The following RERE variants were observed in gnomAD, a reference collection of about 807,000 sequenced individuals.
RERE encodes arginine-glutamic acid dipeptide repeats.
Under a neutral mutation model 146.1 loss-of-function variants are expected in RERE, and 40 were observed. The ratio of observed to expected loss-of-function variants is 0.27; its 90% CI spans 0.21 to 0.36. The LOEUF is 0.36. Among genes scored for constraint, RERE ranks in the 10% least tolerant of loss-of-function variants. The probability of loss-of-function intolerance (pLI) is 1.00; values close to 1 mark genes in which losing one functional copy is unlikely to be tolerated. For missense variants in RERE, 1,933 were observed against 2,138.7 expected (o/e 0.90, Z 1.90); for synonymous variants, 1,003 against 866.0 (o/e 1.16, Z -2.78).
intron 6 of RERE, among the ~76,000 whole-genome samples, chr1:8,553,870 T>C (rs938224998): frequency 2.0e-5 from 3 of 152,168 alleles, no homozygotes; most frequent in Non-Finnish European, 4.4e-5. Flanking sequence ...TAACTTGTTC[T>C]TCTAAAAATG....
intron 8 of RERE, among the ~76,000 whole-genome samples, chr1:8,498,784 G>C (rs1404250766): frequency 8.4e-6 from 1 of 119,526 alleles, no homozygotes; most frequent in Non-Finnish European, 1.7e-5. Flanking sequence ...TAGTTGAATT[G>C]ACCTGTGGTA....
chr1:8,784,183 T>C (rs1178838788), intron 1 of RERE, among the ~76,000 whole-genome samples: 3 of 152,218 alleles, frequency 2.0e-5, no homozygotes, highest in Non-Finnish European at 4.4e-5. Context: ...ACTATTCTCC[T>C]CTGTCTGGGA....
At chr1:8,471,568 T>C (rs9700611) in intron 10 of RERE, among the ~76,000 whole-genome samples, 1 of 147,050 alleles carries the variant, frequency 6.8e-6, no homozygotes, top group South Asian at 2.2e-4. Flanking sequence ...TGAGCTAGAG[T>C]GCAATGGCAC....
chr1:8,810,301 A>G (rs778114855), intron 1 of RERE, among the ~76,000 whole-genome samples: 2 of 151,936 alleles, frequency 1.3e-5, no homozygotes, highest in Non-Finnish European at 2.9e-5. Context: ...CGCCTGGCCT[A>G]AAGTTATTTT....
intron 4 of RERE, among the ~76,000 whole-genome samples, chr1:8,607,876 C>T (rs994033266): frequency 1.3e-5 from 2 of 151,944 alleles, no homozygotes; most frequent in African/African-American, 4.8e-5. Flanking sequence ...CAGGCGCCCG[C>T]CACCACGCCT....
chr1:8,618,287 A>G (rs1400184219), intron 3 of RERE, among the ~76,000 whole-genome samples: 1 of 152,216 alleles, frequency 6.6e-6, no homozygotes, highest in East Asian at 1.9e-4. Flanking sequence ...TAGGTACTTT[A>G]TATCCCAACT....
intron 11 of RERE, among the ~76,000 whole-genome samples, chr1:8,450,664 C>T (rs1644380283): frequency 6.6e-6 from 1 of 152,146 alleles, no homozygotes; most frequent in African/African-American, 2.4e-5. Context: ...CCCTTTTAAC[C>T]CCTCCAGTTA....
chr1:8,519,082 A>G (rs780072317), intron 7 of RERE, among the ~76,000 whole-genome samples: 1 of 152,162 alleles, frequency 6.6e-6, no homozygotes, highest in Non-Finnish European at 1.5e-5. Context: ...CCTGAATTAA[A>G]ATTTTAGTAT....
At chr1:8,533,986 T>C (rs112320405) in intron 7 of RERE, among the ~76,000 whole-genome samples, 1 of 152,344 alleles carries the variant, frequency 6.6e-6, no homozygotes, top group African/African-American at 2.4e-5. Flanking sequence ...ATCTCCAATA[T>C]TTTCCATCTC....
chr1:8,737,032 G>A (rs963178730), intron 1 of RERE, among the ~76,000 whole-genome samples: 11 of 152,090 alleles, frequency 7.2e-5, no homozygotes, highest in Non-Finnish European at 1.5e-4. Flanking sequence ...TCTTTCCTCT[G>A]AAGACTCAGA....
chr1:8,522,181 T>C (rs1435451158), intron 7 of RERE, among the ~76,000 whole-genome samples: 2 of 152,196 alleles, frequency 1.3e-5, no homozygotes, highest in African/African-American at 4.8e-5. Context: ...CAGAAACTGC[T>C]CAGAAGAGAT....
intron 10 of RERE, among the ~76,000 whole-genome samples, chr1:8,486,699 C>T (rs1644903247): frequency 7.3e-6 from 1 of 137,880 alleles, no homozygotes; most frequent in Admixed American, 7.7e-5. Flanking sequence ...GTTGAAACGT[C>T]TTTATATTGA....
chr1:8,528,565 T>C (rs1645598319), intron 7 of RERE, among the ~76,000 whole-genome samples: 1 of 152,164 alleles, frequency 6.6e-6, no homozygotes. Flanking sequence ...AAATACAGGT[T>C]GAGTTATCCT....
intron 1 of RERE, among the ~76,000 whole-genome samples, chr1:8,680,947 A>G (rs1638951508): frequency 6.6e-6 from 1 of 152,186 alleles, no homozygotes; most frequent in South Asian, 2.1e-4. Flanking sequence ...GCAAAAATAA[A>G]AATTACCAAG....
At chr1:8,797,373 G>C (rs571177732) in intron 1 of RERE, among the ~76,000 whole-genome samples, 1 of 42,156 alleles carries the variant, frequency 2.4e-5, no homozygotes, top group African/African-American at 1.2e-4. Flanking sequence ...GTAAGACTCC[G>C]CCTAAAAAAA....
intron 4 of RERE, among the ~76,000 whole-genome samples, chr1:8,574,898 T>C (rs532292117): frequency 6.6e-6 from 1 of 152,364 alleles, no homozygotes; most frequent in African/African-American, 2.4e-5. Flanking sequence ...TAGAATGTTC[T>C]TTCATGAATA....
intron 7 of RERE, among the ~76,000 whole-genome samples, chr1:8,535,169 C>A (rs569269872): frequency 5.9e-4 from 89 of 151,962 alleles, no homozygotes; most frequent in Non-Finnish European, 9.7e-4. Flanking sequence ...ATAACAATAA[C>A]GCAAACTGAG....
chr1:8,567,903 C>T (rs899903897), intron 4 of RERE, among the ~76,000 whole-genome samples: 3 of 152,204 alleles, frequency 2.0e-5, no homozygotes, highest in Non-Finnish European at 4.4e-5. Context: ...AAGAGCACTT[C>T]TGTAGCTCCC....
intron 1 of RERE, among the ~76,000 whole-genome samples, chr1:8,690,052 T>A (rs1188241444): frequency 6.6e-6 from 1 of 152,234 alleles, no homozygotes; most frequent in Non-Finnish European, 1.5e-5. Flanking sequence ...GATCATCTTC[T>A]GCAGGTATAA....
Sources: allele counts gnomAD v4.1 joint callset (sites outside exome capture counted in the v4.1 genomes callset), GRCh38; gene constraint gnomAD v4.1.1; transcripts MANE v1.5; gene names NCBI Gene and HGNC (gene_info 2026-07-23, HGNC 2026-07-21).